USP43: variants seen among roughly 807,000 people sequenced by gnomAD.
USP43 encodes ubiquitin carboxyl-terminal hydrolase 43.
A neutral mutation model predicts 90.7 loss-of-function variants in USP43; 33 were observed. That is an observed-to-expected ratio of 0.36 (90% CI 0.28 to 0.49). The LOEUF (loss-of-function observed/expected upper bound fraction) is 0.49. USP43 is among the 20% of genes least tolerant of loss of function. The pLI is 0.98. For synonymous variants in USP43, 598 were observed against 615.8 expected, an observed-to-expected ratio of 0.97 and a Z score of 0.43; for missense variants, 1,274 against 1,476.4, an observed-to-expected ratio of 0.86 and a Z score of 2.25.
rs1045850276 is a variant in USP43 at position 9,688,147 on chromosome 17, A to G, written c.1353+1238A>G. Reference sequence around the variant, plus strand: ...ACTACAGGCGCCCGCCACCACGCCCAGCTAACTTTTTTGTATTTTTTAGTA... The same window carrying G: ...ACTACAGGCGCCCGCCACCACGCCCGGCTAACTTTTTTGTATTTTTTAGTA... On this transcript the variant is annotated intron_variant, in intron 8 of 14. Transcript: ENST00000285199. Among the ~76,000 whole-genome samples, 3 of 151,392 alleles carry G rather than the reference A, an allele frequency of 2.0e-5. 1 individual carries two copies. Among genetic ancestry groups the G allele is most frequent in the Middle Eastern group, 6.4e-3 (2 of 314 alleles).
At chr17:9,663,138 T>C (rs1323597604) in intron 2 of USP43, among the ~76,000 whole-genome samples, 1 of 147,224 alleles carries the variant, frequency 6.8e-6, no homozygotes, top group Non-Finnish European at 1.5e-5. Context: ...TATATATATA[T>C]AACTCTTTAA....
In USP43 at chr17:9,648,938, C is replaced by CCTCTCTTTCTCTCTCT. The variant is rs1458953870; in HGVS notation, c.504+2808_504+2809insTTCTCTCTCTCTCTCT. Among the ~76,000 whole-genome samples the CCTCTCTTTCTCTCTCT allele has an allele frequency of 1.9e-3, 250 of 129,890 alleles. 2 individuals carry two copies. Among genetic ancestry groups the CCTCTCTTTCTCTCTCT allele is most frequent in the African/African-American group, 7.6e-3 (239 of 31,626 alleles). 85.2% of individuals were successfully genotyped at this position (129,890 alleles called of 152,430 possible). A position where few individuals can be genotyped will look rare whatever the true frequency, so the allele number is the denominator to read the frequency against. On this transcript the variant is annotated intron_variant, in intron 1 of 14. Coordinates refer to ENST00000285199, the MANE Select transcript of USP43 (RefSeq NM_153210.5). ...CTCTCCCACTCTTTCTGTCTCTCTC[C>CCTCTCTTTCTCTCTCT]CTCTCTCTCTCTCTCTCTCTCCCTC...
chr17:9,667,990 A>T (rs930462606), intron 3 of USP43, among the ~76,000 whole-genome samples: 1 of 152,192 alleles, frequency 6.6e-6, no homozygotes, highest in Non-Finnish European at 1.5e-5. Flanking sequence ...TGTCTAAAGC[A>T]CAAGTCCTGC....
chr17:9,651,788 A>G (rs1911879962), intron 1 of USP43, among the ~76,000 whole-genome samples: 1 of 152,192 alleles, frequency 6.6e-6, no homozygotes, highest in African/African-American at 2.4e-5. Flanking sequence ...GTGTTTTGGA[A>G]GTTCTGGACA....
intron 4 of USP43, 106 bp downstream of exon 4, chr17:9,675,089 C>A: frequency 2.1e-6 from 2 of 972,880 alleles, no homozygotes; most frequent in Non-Finnish European, 3.2e-6. Context: ...TGCTTCTCAG[C>A]CAGCATTTCT....
chr17:9,662,555 A>C (rs760808404), intron 2 of USP43, among the ~76,000 whole-genome samples: 1 of 151,990 alleles, frequency 6.6e-6, no homozygotes, highest in Non-Finnish European at 1.5e-5. Flanking sequence ...TCCTGAATCC[A>C]TCCCTCCTTT....
chr17:9,666,822 C>T, intron 3 of USP43, 71 bp downstream of exon 3: 1 of 1,213,804 alleles, frequency 8.2e-7, no homozygotes, highest in Non-Finnish European at 1.2e-6. Context: ...AACCAGTCTC[C>T]CATTGACAGA....
At chr17:9,648,130 G>T (rs1206147785) in intron 1 of USP43, among the ~76,000 whole-genome samples, 2 of 152,248 alleles carry the variant, frequency 1.3e-5, no homozygotes, top group African/African-American at 2.4e-5. Context: ...GGGCCTGGGA[G>T]CTCCCAGTAA....
intron 7 of USP43, among the ~76,000 whole-genome samples, chr17:9,684,095 C>G (rs1914456674): frequency 6.6e-6 from 1 of 151,934 alleles, no homozygotes; most frequent in African/African-American, 2.4e-5. Flanking sequence ...CGAGATTGCA[C>G]CACTGCACTC....
Position 9,728,349 on chromosome 17 carries a change from A to G in USP43, c.2731A>G (p.Thr911Ala), listed in dbSNP as rs749541896. 3.0e-5 allele frequency: 49 copies of G among 1,611,548 alleles called. No individual in the cohort carries two copies. The East Asian group carries it at 8.3e-4, about 27-fold the overall frequency. ...LAPGNSDGPN[T>A]ARKLKENAGQ... ...CCCTGGAAACTCAGATGGTCCAAACACAGCAAGGAAACTCAAGGAAAATGC... is the reference window on the plus strand; with the variant it reads ...CCCTGGAAACTCAGATGGTCCAAACGCAGCAAGGAAACTCAAGGAAAATGC... The change falls in exon 15 of 15, where the codon ACA becomes GCA. Residue 911 changes from threonine (T) to alanine (A), a missense_variant. Thr to Ala is a moderately conservative substitution (Grantham distance 58). Transcript: ENST00000285199. The surrounding 1 kb of genome is among the most constrained non-coding windows in gnomAD (Gnocchi z 6.2).
intron 5 of USP43, among the ~76,000 whole-genome samples, chr17:9,678,015 A>G (rs1316978415): frequency 1.3e-5 from 2 of 152,100 alleles, no homozygotes; most frequent in Non-Finnish European, 2.9e-5. Flanking sequence ...TGCTTTGTAA[A>G]CTTTAAAGTG....
intron 14 of USP43, among the ~76,000 whole-genome samples, chr17:9,723,806 A>G (rs900088478): frequency 4.6e-5 from 7 of 151,118 alleles, no homozygotes; most frequent in African/African-American, 1.7e-4. Context: ...ATGGGGTTTC[A>G]CCATGTTGGT....
In USP43 at chr17:9,723,502, TTTCCC is replaced by T. The variant is rs199960957; in HGVS notation, c.2336-4442_2336-4438del. 5.4e-3 allele frequency among the ~76,000 whole-genome samples: 789 copies of T among 145,104 alleles called. 13 individuals carry two copies. The highest frequency in any genetic ancestry group is 0.019 in the African/African-American group (752 of 38,914). ...CCCTTGTAGTTTCTTGCTCTTCTCT[TTTCCC>T]TTCCCTTCCTTTCCCTTCCCCTCCC... On this transcript the variant is annotated intron_variant, in intron 14 of 14. Coordinates refer to ENST00000285199, the MANE Select transcript of USP43 (RefSeq NM_153210.5).
At chr17:9,666,846 T>C in intron 3 of USP43, 95 bp downstream of exon 3, 1 of 1,008,328 alleles carries the variant, frequency 9.9e-7, no homozygotes, top group Non-Finnish European at 1.5e-6. Flanking sequence ...ACCCTGAGAT[T>C]TCAAAACAAC....
chr17:9,727,911 T>G, intron 14 of USP43, 43 bp from the exon 15 acceptor site: 1 of 1,554,556 alleles, frequency 6.4e-7, no homozygotes, highest in Middle Eastern at 1.7e-4. Flanking sequence ...GCATTTCAGC[T>G]GTAGGGTGGC....
chr17:9,704,808 G>A (rs972774153), intron 12 of USP43, among the ~76,000 whole-genome samples: 3 of 150,476 alleles, frequency 2.0e-5, no homozygotes, highest in African/African-American at 7.4e-5. Context: ...TTGCAGAGGC[G>A]AGTGTGTGAC....
At chr17:9,649,501 G>A (rs893713930) in intron 1 of USP43, among the ~76,000 whole-genome samples, 3 of 151,942 alleles carry the variant, frequency 2.0e-5, no homozygotes, top group Non-Finnish European at 1.5e-5. Context: ...GTGCTCAACA[G>A]GAAGGTTTTC....
intron 7 of USP43, among the ~76,000 whole-genome samples, chr17:9,683,389 T>TTTTTTTTTTTTTTTTTTTTTTTTTTA (rs1914416925): frequency 6.6e-6 from 1 of 152,192 alleles, no homozygotes; most frequent in African/African-American, 2.4e-5. Flanking sequence ...ATAGCTTTCT[T>TTTTTTTTTTTTTTTTTTTTTTTTTTA]ATATAGCCCA....
intron 8 of USP43, among the ~76,000 whole-genome samples, chr17:9,688,777 C>T: frequency 6.6e-6 from 1 of 152,182 alleles, no homozygotes; most frequent in East Asian, 1.9e-4. Context: ...TCTTTGACCT[C>T]CCAGGCTCAA....
Sources: gnomAD v4.1 joint callset for allele counts (sites outside exome capture counted in the v4.1 genomes callset) on GRCh38, gnomAD v4.1.1 for gene constraint, Gnocchi (gnomAD v3.1) non-coding constraint, MANE v1.5 for transcripts, NCBI Gene and HGNC (gene_info 2026-07-23, HGNC 2026-07-21) for gene names.